CCDC149: variants seen among roughly 807,000 people sequenced by gnomAD.
CCDC149 encodes the protein coiled-coil domain-containing protein 149.
In CCDC149, 45 loss-of-function variants were observed where a neutral mutation model predicts 59.9. The observed-to-expected ratio is 0.75, with a 90% CI of 0.59 to 0.96. The LOEUF (loss-of-function observed/expected upper bound fraction) is 0.96. Among genes scored for constraint, CCDC149 ranks in the 40% least tolerant of loss-of-function variants. The pLI is 0.00. For missense variants in CCDC149, 584 were observed against 664.7 expected, an observed-to-expected ratio of 0.88 and a Z score of 1.33; for synonymous variants, 245 against 260.6, an observed-to-expected ratio of 0.94 and a Z score of 0.58.
At position 24,968,355 on chromosome 4, in the gene CCDC149, C is replaced by T. The variant is rs143969236; in HGVS notation, c.-65+11714G>A. Among the ~76,000 whole-genome samples, 119 of 152,304 alleles carry T rather than the reference C, an allele frequency of 7.8e-4. No homozygotes were observed. In the East Asian group the frequency reaches 0.014, roughly 17 times the overall value. On this transcript the variant is annotated intron_variant, in intron 1 of 12. Transcript: ENST00000389609. ...GGATGGGCTGCAGTCATTGTGCAGA[C>T]GACTTACCCAATAGCAGGAATGGAT... is the stretch of plus-strand genomic sequence containing the variant.
intron 1 of CCDC149, among the ~76,000 whole-genome samples, chr4:24,906,100 A>T (rs1303274014): frequency 6.6e-6 from 1 of 152,180 alleles, no homozygotes; most frequent in African/African-American, 2.4e-5. Flanking sequence ...CACCACACTC[A>T]CAAGAAAGAG....
In CCDC149 at chr4:24,837,365, C is replaced by T; in HGVS notation, c.525G>A (p.Val175=). ...CTTCTTTAACATCCTGAAGCTCGTC[C>T]ACAGAAGCCTGCAGGTCGTGCTCCA... is the stretch of plus-strand genomic sequence containing the variant. The change falls in exon 6 of 13, where the codon GTG becomes GTA. Residue 175 remains valine (V), a synonymous_variant. Transcript: ENST00000635206. The surrounding 1 kb of genome is among the most constrained non-coding windows in gnomAD (Gnocchi z 4.3). 2 of 1,614,146 alleles carry T rather than the reference C, an allele frequency of 1.2e-6. No individual in the cohort carries two copies. The highest frequency in any genetic ancestry group is 1.7e-6 in the Non-Finnish European group (2 of 1,180,022).
At chr4:24,809,236 A>G (rs1714436970) in intron 12 of CCDC149, among the ~76,000 whole-genome samples, 1 of 152,244 alleles carries the variant, frequency 6.6e-6, no homozygotes, top group Admixed American at 6.5e-5. Context: ...GGTGGGAAGA[A>G]GAAGGATAGT....
chr4:24,938,135 A>C (rs1218935723), intron 1 of CCDC149, among the ~76,000 whole-genome samples: 1 of 152,244 alleles, frequency 6.6e-6, no homozygotes, highest in Admixed American at 6.5e-5. Context: ...CAAGATCTCC[A>C]AATACTGTAA....
At chr4:24,821,955 G>T (rs1715431903) in intron 10 of CCDC149, among the ~76,000 whole-genome samples, 1 of 152,046 alleles carries the variant, frequency 6.6e-6, no homozygotes, top group Admixed American at 6.6e-5. Flanking sequence ...AGAAGGAGGT[G>T]GTGGAGTACA....
chr4:24,808,750 G>A lies in CCDC149; in HGVS notation c.1262C>T (p.Ala421Val), dbSNP rs993846243. 31 of 1,551,874 alleles carry A rather than the reference G, an allele frequency of 2.0e-5. No homozygotes were observed. Among genetic ancestry groups the A allele is most frequent in the African/African-American group, 5.5e-5 (4 of 73,052 alleles). ...TGGGGAGTTGACAGCGGGCCTCCCA[G>A]CATCCTCAGGCGCTGTCAACGCCTC... is the stretch of plus-strand genomic sequence containing the variant. The change falls in exon 13 of 13, where the codon GCT (alanine) becomes GTT (valine). Residue 421 changes from alanine (A) to valine (V), a missense_variant. Transcript: ENST00000635206.
At chr4:24,856,731 C>G (rs999949868) in intron 3 of CCDC149, among the ~76,000 whole-genome samples, 1 of 152,236 alleles carries the variant, frequency 6.6e-6, no homozygotes, top group African/African-American at 2.4e-5. Context: ...CCTCTCCATC[C>G]ACAGCTCTCC....
chr4:24,905,728 G>A (rs1306383203), intron 1 of CCDC149, among the ~76,000 whole-genome samples: 10 of 152,180 alleles, frequency 6.6e-5, no homozygotes, highest in Non-Finnish European at 1.5e-5. Context: ...GAGCCATGGT[G>A]CCCAGCCTAC....
At chr4:24,976,253 A>G (rs939915787) in intron 1 of CCDC149, among the ~76,000 whole-genome samples, 1 of 152,188 alleles carries the variant, frequency 6.6e-6, no homozygotes, top group African/African-American at 2.4e-5. Flanking sequence ...GGGTCCATTT[A>G]TCAAGGAAAG....
At chr4:24,884,379 C>T (rs1278725676) in intron 1 of CCDC149, among the ~76,000 whole-genome samples, 1 of 152,154 alleles carries the variant, frequency 6.6e-6, no homozygotes, top group African/African-American at 2.4e-5. Flanking sequence ...GCGGACTATA[C>T]CATGTAGGTT....
intron 9 of CCDC149, among the ~76,000 whole-genome samples, chr4:24,823,321 C>T (rs1332407075): frequency 6.6e-6 from 1 of 152,116 alleles, no homozygotes; most frequent in Non-Finnish European, 1.5e-5. Flanking sequence ...TTTGAAAAGA[C>T]CATACTGTTT....
At chr4:24,899,245 A>G (rs2109302798) in intron 1 of CCDC149, among the ~76,000 whole-genome samples, 1 of 152,274 alleles carries the variant, frequency 6.6e-6, no homozygotes, top group South Asian at 2.1e-4. Context: ...TAAGAATTAG[A>G]ATCGGGTTGG....
intron 3 of CCDC149, among the ~76,000 whole-genome samples, chr4:24,855,611 A>AAC (rs1717955141): frequency 2.4e-5 from 3 of 124,588 alleles, no homozygotes; most frequent in Non-Finnish European, 3.3e-5. Flanking sequence ...AAAAAAGAAA[A>AAC]ACATTCATCC....
Position 24,912,858 on chromosome 4 carries a change from C to T in CCDC149, c.22G>A (p.Gly8Ser). ...TGCCAGTCGCTCTCAGTCCGGTCGC[C>T]GTTCATGGCCTCCTCCTCCATGCGC... Residue 8 changes from glycine (G) to serine (S), a missense_variant, in exon 1 of 13, where the codon GGC becomes AGC. Transcript: ENST00000635206. 1 of 1,376,430 alleles carries T rather than the reference C, an allele frequency of 7.3e-7. No homozygotes were observed. The highest frequency in any genetic ancestry group is 9.5e-7 in the Non-Finnish European group (1 of 1,050,198). 85.3% of individuals were successfully genotyped at this position (1,376,430 alleles called of 1,614,324 possible).
intron 3 of CCDC149, among the ~76,000 whole-genome samples, chr4:24,872,503 C>T (rs1438688657): frequency 1.3e-5 from 2 of 152,104 alleles, no homozygotes; most frequent in Non-Finnish European, 2.9e-5. Context: ...GAATGGTATG[C>T]ACCCACCAAA....
chr4:24,957,892 G>A (rs1405726770), intron 1 of CCDC149, among the ~76,000 whole-genome samples: 1 of 152,208 alleles, frequency 6.6e-6, no homozygotes, highest in Non-Finnish European at 1.5e-5. Flanking sequence ...GAAGGTCTAG[G>A]AAGGATGTGG....
chr4:24,826,587 G>A (rs1160683274), intron 9 of CCDC149, among the ~76,000 whole-genome samples: 1 of 152,214 alleles, frequency 6.6e-6, no homozygotes, highest in Non-Finnish European at 1.5e-5. Context: ...TGCGAAGTCA[G>A]AAGGAACCGT....
At chr4:24,863,154 G>A (rs1047722837) in intron 3 of CCDC149, among the ~76,000 whole-genome samples, 14 of 152,020 alleles carry the variant, frequency 9.2e-5, no homozygotes, top group Admixed American at 2.6e-4. Context: ...TTAGCCGGGC[G>A]TGGCGGTATG....
At chr4:24,931,531 A>T (rs1722587091) in intron 1 of CCDC149, among the ~76,000 whole-genome samples, 1 of 151,378 alleles carries the variant, frequency 6.6e-6, no homozygotes, top group Non-Finnish European at 1.5e-5. Context: ...TAGCTGCAAC[A>T]CCTGGGGTTA....
Sources: allele counts gnomAD v4.1 joint callset (sites outside exome capture counted in the v4.1 genomes callset), GRCh38; gene constraint gnomAD v4.1.1; non-coding constraint Gnocchi (gnomAD v3.1); transcripts MANE v1.5; gene names NCBI Gene and HGNC (gene_info 2026-07-23, HGNC 2026-07-21).